EDIL3: variants seen among roughly 807,000 people sequenced by gnomAD.
EDIL3 encodes the protein EGF-like repeat and discoidin I-like domain-containing protein 3.
A neutral mutation model predicts 67.4 loss-of-function variants in EDIL3; 37 were observed. The observed-to-expected ratio is 0.55, with a 90% CI of 0.42 to 0.72. The LOEUF is 0.72. Among genes scored for constraint, EDIL3 ranks in the 30% least tolerant of loss-of-function variants. The pLI is 0.00. For missense variants in EDIL3, 527 were observed against 586.3 expected, an observed-to-expected ratio of 0.90 and a Z score of 1.04; for synonymous variants, 195 against 196.3, an observed-to-expected ratio of 0.99 and a Z score of 0.05.
At position 83,975,103 on chromosome 5, in the gene EDIL3, T is replaced by C. The variant is rs1744857191; in HGVS notation, c.1138-11743A>G. 3.3e-5 allele frequency among the ~76,000 whole-genome samples: 5 copies of C among 152,184 alleles called. 1 individual carries two copies. In the South Asian group the frequency reaches 8.3e-4, roughly 25 times the overall value. On this transcript the variant is annotated intron_variant, in intron 9 of 10. Coordinates refer to ENST00000296591, the MANE Select transcript of EDIL3 (RefSeq NM_005711.5). ...CAAAAAACATATATGGCTATAGTTA[T>C]AAAGTTCTGGCTTGAATGTAAGGTA...
intron 1 of EDIL3, among the ~76,000 whole-genome samples, chr5:84,364,745 A>G (rs1747691282): frequency 6.6e-6 from 1 of 152,022 alleles, no homozygotes; most frequent in African/African-American, 2.4e-5. Flanking sequence ...CATAAATTTC[A>G]TATGGAATCC....
chr5:84,225,622 ATTAT>A (rs575500932), intron 3 of EDIL3, among the ~76,000 whole-genome samples: 117 of 151,682 alleles, frequency 7.7e-4, no homozygotes, highest in Non-Finnish European at 3.6e-4. Context: ...TTTCTCGTTT[ATTAT>A]TTGTCTTCCT....
chr5:84,141,937 A>C (rs1379981614), intron 4 of EDIL3, among the ~76,000 whole-genome samples: 181 of 137,186 alleles, frequency 1.3e-3, no homozygotes, highest in African/African-American at 4.7e-3. Context: ...ATATATATAT[A>C]TATATATATA....
At chr5:84,294,360 G>A (rs1263300392) in intron 1 of EDIL3, among the ~76,000 whole-genome samples, 1 of 144,140 alleles carries the variant, frequency 6.9e-6, no homozygotes, top group Non-Finnish European at 1.5e-5. Flanking sequence ...ACTCCAGCCT[G>A]GGTGACAGAG....
At chr5:84,174,766 C>T (rs1580361138) in intron 4 of EDIL3, among the ~76,000 whole-genome samples, 1 of 152,132 alleles carries the variant, frequency 6.6e-6, no homozygotes, top group South Asian at 2.1e-4. Flanking sequence ...GTGGCATGTA[C>T]AGGATCAACT....
intron 1 of EDIL3, among the ~76,000 whole-genome samples, chr5:84,312,218 CGGCT>C (rs1365383751): frequency 7.4e-6 from 1 of 135,862 alleles, no homozygotes; most frequent in African/African-American, 2.7e-5. Flanking sequence ...CCCGACGGGG[CGGCT>C]GGCCGGGTGG....
At chr5:84,096,593 C>T (rs1224458023) in intron 6 of EDIL3, among the ~76,000 whole-genome samples, 1 of 152,126 alleles carries the variant, frequency 6.6e-6, no homozygotes, top group Admixed American at 6.6e-5. Context: ...TTTATAGGCT[C>T]ATAGGCTGAA....
intron 4 of EDIL3, among the ~76,000 whole-genome samples, chr5:84,145,206 T>G (rs891311778): frequency 2.6e-5 from 4 of 152,140 alleles, no homozygotes; most frequent in African/African-American, 7.2e-5. Context: ...GCAGTAGTTT[T>G]GCCTAAAGGA....
intron 1 of EDIL3, among the ~76,000 whole-genome samples, chr5:84,341,845 C>T (rs930364302): frequency 6.6e-6 from 1 of 151,804 alleles, no homozygotes; most frequent in East Asian, 1.9e-4. Context: ...CCTGAATGTC[C>T]CTATGTTTTA....
At chr5:83,951,814 A>C (rs2112117712) in intron 10 of EDIL3, among the ~76,000 whole-genome samples, 1 of 151,832 alleles carries the variant, frequency 6.6e-6, no homozygotes, top group South Asian at 2.1e-4. Context: ...AGAACATTTA[A>C]CTTCTGGCTT....
intron 2 of EDIL3, among the ~76,000 whole-genome samples, chr5:84,247,353 C>T (rs1213202155): frequency 7.9e-5 from 12 of 152,206 alleles, no homozygotes; most frequent in Middle Eastern, 3.4e-3. Context: ...ACTTAAGGCT[C>T]GTTAACTTTC....
intron 1 of EDIL3, among the ~76,000 whole-genome samples, chr5:84,282,021 T>G (rs557879451): frequency 1.3e-5 from 2 of 150,198 alleles, no homozygotes; most frequent in Non-Finnish European, 3.0e-5. Context: ...TGCCGGCCAC[T>G]ACACCCAGCT....
chr5:84,200,862 C>T lies in EDIL3; in HGVS notation c.227-20341G>A, dbSNP rs115907845. On this transcript the variant is annotated intron_variant, in intron 3 of 10. Transcript: ENST00000296591. Reference sequence around the variant, plus strand: ...TCTTTCTGGAGAAAGAGTGAGAAATCTTCAAGTCTATATGATTTACAGTGA... The same window carrying T: ...TCTTTCTGGAGAAAGAGTGAGAAATTTTCAAGTCTATATGATTTACAGTGA... 3.0e-3 allele frequency among the ~76,000 whole-genome samples: 462 copies of T among 152,042 alleles called. 4 individuals carry two copies. The highest frequency in any genetic ancestry group is 0.011 in the African/African-American group (451 of 41,518).
intron 9 of EDIL3, 85 bp from the exon 10 acceptor site, chr5:83,963,445 A>G: frequency 7.3e-7 from 1 of 1,371,896 alleles, no homozygotes; most frequent in South Asian, 1.6e-5. Flanking sequence ...GAATAAAACT[A>G]TATATATCCT....
intron 3 of EDIL3, among the ~76,000 whole-genome samples, chr5:84,213,072 C>A (rs564636660): frequency 6.6e-6 from 1 of 151,740 alleles, no homozygotes; most frequent in Non-Finnish European, 1.5e-5. Flanking sequence ...CTTCTAACAG[C>A]TCTATAAATT....
intron 1 of EDIL3, among the ~76,000 whole-genome samples, chr5:84,293,390 T>G (rs1168094121): frequency 6.6e-6 from 1 of 152,184 alleles, no homozygotes; most frequent in Admixed American, 6.5e-5. Context: ...TGAAAGACAC[T>G]GGGGGCACAG....
At chr5:84,307,040 T>A (rs1366286317) in intron 1 of EDIL3, among the ~76,000 whole-genome samples, 1 of 152,220 alleles carries the variant, frequency 6.6e-6, no homozygotes, top group Non-Finnish European at 1.5e-5. Flanking sequence ...TACAAGATGC[T>A]AGAGACAGAA....
intron 1 of EDIL3, among the ~76,000 whole-genome samples, chr5:84,336,309 A>T (rs976626084): frequency 6.6e-6 from 1 of 152,192 alleles, no homozygotes; most frequent in African/African-American, 2.4e-5. Context: ...CTGCAAAGGT[A>T]AATGTGGATC....
intron 1 of EDIL3, among the ~76,000 whole-genome samples, chr5:84,302,246 C>G (rs1746176639): frequency 6.6e-6 from 1 of 151,934 alleles, no homozygotes; most frequent in African/African-American, 2.4e-5. Context: ...TTAGCACATT[C>G]ATAACTAGAT....
Sources: allele counts gnomAD v4.1 joint callset (sites outside exome capture counted in the v4.1 genomes callset), GRCh38; gene constraint gnomAD v4.1.1; transcripts MANE v1.5; gene names NCBI Gene and HGNC (gene_info 2026-07-23, HGNC 2026-07-21).